L3MBTL4: variants seen among roughly 807,000 people sequenced by gnomAD.
L3MBTL4 encodes L3MBTL histone methyl-lysine binding protein 4, also known as lethal(3)malignant brain tumor-like protein 4.
L3MBTL4 carries 70 observed loss-of-function variants against 84.5 expected under a neutral mutation model. That is an observed-to-expected ratio of 0.83 (90% CI 0.68 to 1.01). The LOEUF (loss-of-function observed/expected upper bound fraction) is 1.01. L3MBTL4 is among the 50% of genes least tolerant of loss of function. The pLI, the probability that L3MBTL4 is intolerant of heterozygous loss-of-function variation, is 0.00. For synonymous variants in L3MBTL4, 274 were observed against 259.8 expected (o/e 1.05, Z -0.52); for missense variants, 715 against 754.8 (o/e 0.95, Z 0.62).
chr18:6,102,651 A>C (rs1454831289), intron 14 of L3MBTL4, among the ~76,000 whole-genome samples: 3 of 152,224 alleles, frequency 2.0e-5, no homozygotes, highest in Admixed American at 2.0e-4. Flanking sequence ...CACAAATTTG[A>C]AAGTGTAAAG....
intron 1 of L3MBTL4, among the ~76,000 whole-genome samples, chr18:6,404,972 A>G (rs1203497440): frequency 1.3e-5 from 2 of 152,132 alleles, no homozygotes; most frequent in Non-Finnish European, 2.9e-5. Flanking sequence ...CTGGGATTAC[A>G]GGTGGGACCC....
intron 1 of L3MBTL4, among the ~76,000 whole-genome samples, chr18:6,394,484 A>T (rs544933575): frequency 1.3e-5 from 2 of 152,114 alleles, no homozygotes; most frequent in South Asian, 4.2e-4. Flanking sequence ...TAAAATAAAA[A>T]ATAATAAAAG....
intron 14 of L3MBTL4, among the ~76,000 whole-genome samples, chr18:6,123,352 T>C (rs1271171010): frequency 1.3e-5 from 2 of 152,176 alleles, no homozygotes; most frequent in African/African-American, 2.4e-5. Flanking sequence ...TAATCTTGAA[T>C]TGTAGCTCCC....
intron 16 of L3MBTL4, among the ~76,000 whole-genome samples, chr18:6,039,883 C>T (rs745811706): frequency 4.6e-5 from 7 of 152,098 alleles, no homozygotes; most frequent in East Asian, 1.9e-4. Flanking sequence ...AAAAATTAGA[C>T]GATGAAACAA....
At chr18:6,051,824 G>T (rs891888900) in intron 16 of L3MBTL4, among the ~76,000 whole-genome samples, 1 of 151,668 alleles carries the variant, frequency 6.6e-6, no homozygotes, top group Non-Finnish European at 1.5e-5. Context: ...CTATTTTTCA[G>T]CATGGCGTTC....
chr18:6,329,134 GTTTCTTTTTTTCT>G (rs2051882316), intron 1 of L3MBTL4, among the ~76,000 whole-genome samples: 1 of 86,736 alleles, frequency 1.2e-5, no homozygotes, highest in Non-Finnish European at 2.2e-5. Context: ...TGTTTCTTTT[GTTTCTTTTTTTCT>G]TTTCTTTTTT....
At chr18:6,083,068 A>C (rs2058133472) in intron 15 of L3MBTL4, among the ~76,000 whole-genome samples, 1 of 152,204 alleles carries the variant, frequency 6.6e-6, no homozygotes, top group Non-Finnish European at 1.5e-5. Flanking sequence ...TCGATAATGG[A>C]GCCAAAATCA....
chr18:6,059,797 C>T (rs2057144690), intron 16 of L3MBTL4, among the ~76,000 whole-genome samples: 1 of 152,156 alleles, frequency 6.6e-6, no homozygotes, highest in South Asian at 2.1e-4. Context: ...TCATTTCAAT[C>T]TTAGCACCTC....
intron 16 of L3MBTL4, among the ~76,000 whole-genome samples, chr18:5,991,776 T>G (rs553511164): frequency 5.9e-5 from 9 of 152,100 alleles, no homozygotes; most frequent in African/African-American, 2.2e-4. Flanking sequence ...TTCTGTGGAG[T>G]CCTGCTCAGC....
intron 16 of L3MBTL4, among the ~76,000 whole-genome samples, chr18:6,000,631 A>G (rs889087666): frequency 1.3e-5 from 2 of 152,252 alleles, no homozygotes; most frequent in African/African-American, 2.4e-5. Context: ...ATTTAAATAT[A>G]TAATAAAAAC....
chr18:6,008,822 A>G (rs2054604301), intron 16 of L3MBTL4, among the ~76,000 whole-genome samples: 1 of 152,094 alleles, frequency 6.6e-6, no homozygotes, highest in Non-Finnish European at 1.5e-5. Flanking sequence ...ATACAACCTG[A>G]TGTTTGCTAA....
chr18:6,186,703 CA>C (rs1050985781), intron 12 of L3MBTL4, among the ~76,000 whole-genome samples: 2 of 152,070 alleles, frequency 1.3e-5, no homozygotes, highest in African/African-American at 4.8e-5. Flanking sequence ...CATAAACCAG[CA>C]AACGCACCTT....
intron 1 of L3MBTL4, among the ~76,000 whole-genome samples, chr18:6,332,405 G>A (rs964507700): frequency 6.6e-6 from 1 of 152,182 alleles, no homozygotes; most frequent in African/African-American, 2.4e-5. Context: ...CCAGCTACCT[G>A]ATTTTTAGTT....
intron 14 of L3MBTL4, among the ~76,000 whole-genome samples, chr18:6,096,793 A>G (rs533093659): frequency 3.1e-4 from 47 of 152,232 alleles, no homozygotes; most frequent in Non-Finnish European, 5.4e-4. Flanking sequence ...GCTAAGCTGA[A>G]GTTTCTATGA....
chr18:6,274,828 T>C (rs417647), intron 4 of L3MBTL4, among the ~76,000 whole-genome samples: 1,934 of 152,264 alleles, frequency 0.013, 53 homozygotes, highest in African/African-American at 0.044. Context: ...CCTTTCCCCA[T>C]GCTGTGAGGA....
chr18:6,320,237 A>G (rs537051971), intron 1 of L3MBTL4, among the ~76,000 whole-genome samples: 4 of 152,208 alleles, frequency 2.6e-5, no homozygotes, highest in East Asian at 3.9e-4. Context: ...GAACTAAAAC[A>G]AGGATGCCCA....
intron 16 of L3MBTL4, among the ~76,000 whole-genome samples, chr18:6,077,846 T>C (rs1335103806): frequency 6.6e-6 from 1 of 150,562 alleles, no homozygotes; most frequent in African/African-American, 2.4e-5. Context: ...CTGGCCAACA[T>C]AGTGAAACCC....
chr18:6,128,438 A>T (rs571409605), intron 14 of L3MBTL4, among the ~76,000 whole-genome samples: 37 of 152,250 alleles, frequency 2.4e-4, no homozygotes, highest in African/African-American at 4.1e-4. Flanking sequence ...GGGATAAATT[A>T]AAAAAAGCCC....
In L3MBTL4 at chr18:6,342,112, C is replaced by T. The variant is rs913401950; in HGVS notation, c.-90-30056G>A. ...TGGGAGTTCATCATCACTAGATTTG[C>T]CTTACAAGATATGCTAAAAGAGTTC... is the stretch of plus-strand genomic sequence containing the variant. On this transcript the variant is annotated intron_variant, in intron 1 of 18. Transcript: ENST00000317931. Among the ~76,000 whole-genome samples, 4 of 152,076 alleles carry T rather than the reference C, an allele frequency of 2.6e-5. No individual in the cohort carries two copies. In the East Asian group the frequency reaches 7.7e-4, roughly 29 times the overall value.
Sources: gnomAD v4.1 joint callset for allele counts (sites outside exome capture counted in the v4.1 genomes callset) on GRCh38, gnomAD v4.1.1 for gene constraint, MANE v1.5 for transcripts, NCBI Gene and HGNC (gene_info 2026-07-23, HGNC 2026-07-21) for gene names.